The following ABCB4 variants were observed in gnomAD, a reference collection of about 807,000 sequenced individuals.
ABCB4 encodes the protein phosphatidylcholine translocator ABCB4.
ABCB4 carries 76 observed loss-of-function variants against 145.7 expected under a neutral mutation model. That is an observed-to-expected ratio of 0.52 (90% CI 0.43 to 0.63). The LOEUF (loss-of-function observed/expected upper bound fraction) is 0.63. ABCB4 is among the 30% of genes least tolerant of loss of function. The pLI is 0.00. For missense variants in ABCB4, 1,234 were observed against 1,553.1 expected, an observed-to-expected ratio of 0.79 and a Z score of 3.45; for synonymous variants, 517 against 566.8, an observed-to-expected ratio of 0.91 and a Z score of 1.25.
Position 87,475,397 on chromosome 7 carries a change from C to T in ABCB4, c.69G>A (p.Leu23=), listed in dbSNP as rs1309411755. ...RPTSAEGDFE[L]GISSKQKRKK... ...TGCTGGGGATGTACCTGCTGATGCCCAGTTCAAAGTCGCCCTCCGCGCTCG... is the reference window on the plus strand; with the variant it reads ...TGCTGGGGATGTACCTGCTGATGCCTAGTTCAAAGTCGCCCTCCGCGCTCG... The change falls in exon 2 of 28, where the codon CTG becomes CTA. Residue 23 remains leucine (L), a synonymous_variant. Coordinates refer to ENST00000649586, the MANE Select transcript of ABCB4 (RefSeq NM_000443.4). The T allele has an allele frequency of 6.2e-7, 1 of 1,614,240 alleles. No homozygotes were observed.
chr7:87,369,469 C>T, the ABCB4 span: 42 of 1,610,536 alleles, frequency 2.6e-5, no homozygotes, highest in African/African-American at 5.3e-5. Context: ...TTGGTCACCC[C>T]GCCAGAGCTT....
intron 14 of ABCB4, among the ~76,000 whole-genome samples, chr7:87,435,135 G>A (rs544283336): frequency 6.6e-6 from 1 of 152,318 alleles, no homozygotes; most frequent in African/African-American, 2.4e-5. Flanking sequence ...TCATTAAAAA[G>A]AGAGTTGGAT....
rs1047020268 is a variant in ABCB4, at chr7:87,462,879, C to A, written c.165G>T (p.Leu55Phe). ...CCATGATGGTACCCAGCGACATAAA[C>A]AATTTATCCTGCCAATCGGAGTATC... ...LFRYSDWQDK[L>F]FMSLGTIMAI... The change falls in exon 4 of 28, where the codon TTG (leucine) becomes TTT (phenylalanine). Residue 55 changes from leucine to phenylalanine, a missense_variant. Physicochemically the swap from Leu to Phe is conservative, Grantham distance 22. Transcript: ENST00000649586. 1.2e-6 allele frequency: 2 copies of A among 1,613,814 alleles called. No individual in the cohort carries two copies. The highest frequency in any genetic ancestry group is 1.7e-6 in the Non-Finnish European group (2 of 1,179,858).
At chr7:87,445,000 G>T (rs766945454) in intron 9 of ABCB4, 25 bp from the exon 10 acceptor site, 1 of 1,469,384 alleles carries the variant, frequency 6.8e-7, no homozygotes, top group African/African-American at 1.4e-5. Context: ...ATGAGGAAAA[G>T]TTTAAGTCAC....
chr7:87,409,131 A>G (rs1808420796), intron 24 of ABCB4, 105 bp downstream of exon 24: 1 of 1,328,276 alleles, frequency 7.5e-7, no homozygotes, highest in Admixed American at 1.7e-5. Context: ...TAAATGAAAC[A>G]CATGTTGGTG....
rs565396695 is a variant in ABCB4, at chr7:87,407,700, G to A, written c.3279+337C>T. ...AATAAGCAGGTAGCACCCTGTTTTG[G>A]AAGTCAGCTTTGAATTTGGGCAGGA... On this transcript the variant is annotated intron_variant, in intron 25 of 27. Coordinates refer to ENST00000649586, the MANE Select transcript of ABCB4 (RefSeq NM_000443.4). 3.0e-4 allele frequency among the ~76,000 whole-genome samples: 46 copies of A among 152,308 alleles called. No individual in the cohort carries two copies. In the South Asian group the frequency reaches 9.5e-3, roughly 32 times the overall value.
intron 16 of ABCB4, among the ~76,000 whole-genome samples, chr7:87,425,372 G>A (rs1031430855): frequency 1.6e-4 from 25 of 152,142 alleles, no homozygotes; most frequent in South Asian, 4.1e-4. Context: ...CAAAAGAGGG[G>A]AAATTGCTTA....
At chr7:87,474,491 G>A (rs1457044417) in intron 2 of ABCB4, among the ~76,000 whole-genome samples, 2 of 152,182 alleles carry the variant, frequency 1.3e-5, no homozygotes, top group African/African-American at 4.8e-5. Flanking sequence ...CATGTTTTCA[G>A]TTAGCTAATC....
intron 14 of ABCB4, among the ~76,000 whole-genome samples, chr7:87,434,069 C>T (rs1244671993): frequency 6.7e-6 from 1 of 150,372 alleles, no homozygotes; most frequent in African/African-American, 2.5e-5. Context: ...GCTGGGACTA[C>T]AAGTGCCCAC....
At chr7:87,404,424 C>T (rs919804204) in intron 26 of ABCB4, among the ~76,000 whole-genome samples, 2 of 151,984 alleles carry the variant, frequency 1.3e-5, no homozygotes, top group Non-Finnish European at 2.9e-5. Flanking sequence ...TAGAAAAAAA[C>T]ATGGAGAAAA....
the ABCB4 span, among the ~76,000 whole-genome samples, chr7:87,378,450 G>T: frequency 0.011 from 1,606 of 152,072 alleles, 14 homozygotes; most frequent in Non-Finnish European, 0.015. Context: ...ATATTTGTTG[G>T]CAAGGAGTTA....
chr7:87,408,944 T>G (rs998481435), intron 24 of ABCB4, among the ~76,000 whole-genome samples: 2 of 152,186 alleles, frequency 1.3e-5, no homozygotes, highest in South Asian at 4.1e-4. Flanking sequence ...CATGGCAGAA[T>G]TATACCTTTA....
intron 3 of ABCB4, among the ~76,000 whole-genome samples, chr7:87,470,672 C>T (rs1213375200): frequency 6.6e-6 from 1 of 152,124 alleles, no homozygotes; most frequent in Non-Finnish European, 1.5e-5. Context: ...AATGAGATAC[C>T]ATCTCACACC....
the ABCB4 span, chr7:87,369,605 CT>C: frequency 1.6e-4 from 61 of 369,926 alleles, no homozygotes; most frequent in Admixed American, 8.0e-4. Context: ...TTTATGCATG[CT>C]TTTTTAAAAA....
At chr7:87,439,944 T>TTTTTTTTTTTTTTTTTTTGAGACGG in intron 13 of ABCB4, 107 bp from the exon 14 acceptor site, 1 of 1,447,002 alleles carries the variant, frequency 6.9e-7, no homozygotes, top group South Asian at 1.2e-5. Flanking sequence ...TTAACTATTT[T>TTTTTTTTTTTTTTTTTTTGAGACGG]AATGTATCAT....
chr7:87,475,568 A>C (rs1584808209), intron 1 of ABCB4, 66 bp downstream of exon 1: 1 of 1,208,836 alleles, frequency 8.3e-7, no homozygotes. Flanking sequence ...AGGTCCGGCC[A>C]CTCCCGCCCC....
At chr7:87,458,793 C>T (rs543516827) in intron 4 of ABCB4, among the ~76,000 whole-genome samples, 1 of 152,128 alleles carries the variant, frequency 6.6e-6, no homozygotes, top group East Asian at 1.9e-4. Flanking sequence ...CTACAGGGTA[C>T]CAAGCATCAT....
the ABCB4 span, among the ~76,000 whole-genome samples, chr7:87,396,145 T>G: frequency 1.3e-5 from 2 of 152,206 alleles, no homozygotes; most frequent in African/African-American, 4.8e-5. Context: ...GTATGGATGT[T>G]GGGCCAGTTT....
chr7:87,471,108 C>G (rs576758520), intron 3 of ABCB4, among the ~76,000 whole-genome samples: 3 of 151,892 alleles, frequency 2.0e-5, no homozygotes, highest in Non-Finnish European at 2.9e-5. Context: ...AGCAAACTAT[C>G]GCAAGGACAA....
Sources: gnomAD v4.1 joint callset for allele counts (sites outside exome capture counted in the v4.1 genomes callset) on GRCh38, gnomAD v4.1.1 for gene constraint, MANE v1.5 for transcripts, NCBI Gene and HGNC (gene_info 2026-07-23, HGNC 2026-07-21) for gene names.